WWOX: variants seen among roughly 807,000 people sequenced by gnomAD.
WWOX encodes the protein WW domain-containing oxidoreductase.
A neutral mutation model predicts 46.2 loss-of-function variants in WWOX; 69 were observed. The observed-to-expected ratio is 1.49, with a 90% CI of 1.23 to 1.82. WWOX has a LOEUF of 1.82. WWOX is among the 40% of genes most tolerant of loss of function. WWOX has a pLI of 0.00. For synonymous variants in WWOX, 359 were observed against 202.6 expected, an observed-to-expected ratio of 1.77 and a Z score of -6.56; for missense variants, 919 against 542.6, an observed-to-expected ratio of 1.69 and a Z score of -6.89.
chr16:78,980,012 C>T (rs1246874129), intron 8 of WWOX, among the ~76,000 whole-genome samples: 3 of 152,058 alleles, frequency 2.0e-5, no homozygotes, highest in African/African-American at 4.8e-5. Context: ...CCTGTACTTC[C>T]AGCTGCTTGG....
chr16:78,955,600 AT>A (rs934375334), intron 8 of WWOX, among the ~76,000 whole-genome samples: 46 of 151,606 alleles, frequency 3.0e-4, no homozygotes, highest in African/African-American at 1.1e-3. Flanking sequence ...TTTTAACTTT[AT>A]TTTTTATATT....
intron 4 of WWOX, among the ~76,000 whole-genome samples, chr16:78,118,734 G>C (rs10492874): frequency 0.47 from 71,893 of 151,986 alleles, 17,530 homozygotes; most frequent in Non-Finnish European, 0.55. Flanking sequence ...CCAGTTCATT[G>C]AAAGTGATAT....
At position 78,754,658 on chromosome 16, in the gene WWOX, G is replaced by C. The variant is rs183340417; in HGVS notation, c.1056+321906G>C. 1.9e-3 allele frequency among the ~76,000 whole-genome samples: 293 copies of C among 152,290 alleles called. 1 individual carries two copies. The highest frequency in any genetic ancestry group is 6.4e-3 in the African/African-American group (266 of 41,578). ...GGAAACTGGGCATTTTAATTAGCAA[G>C]TACAGCCTTGACACAAATAAAGGCA... is the stretch of plus-strand genomic sequence containing the variant. On this transcript the variant is annotated intron_variant, in intron 8 of 8. Coordinates refer to ENST00000566780, the MANE Select transcript of WWOX (RefSeq NM_016373.4).
At chr16:78,890,333 GACCTCCATCATT>G (rs2044562150) in intron 8 of WWOX, 1 of 151,632 alleles carries the variant, frequency 6.6e-6, no homozygotes, top group Non-Finnish European at 1.5e-5. Context: ...TCTTAAATTT[GACCTCCATCATT>G]CTTAAATTTG....
chr16:78,547,592 C>G (rs554758741), intron 8 of WWOX, among the ~76,000 whole-genome samples: 1 of 152,144 alleles, frequency 6.6e-6, no homozygotes, highest in African/African-American at 2.4e-5. Context: ...AACTAGGTGG[C>G]TTATAAACAC....
rs552341711 is a variant in WWOX at position 78,767,400 on chromosome 16, G to A, written c.1056+334648G>A. 1.8e-3 allele frequency among the ~76,000 whole-genome samples: 274 copies of A among 152,068 alleles called. 1 individual carries two copies. Among genetic ancestry groups the A allele is most frequent in the African/African-American group, 6.2e-3 (256 of 41,466 alleles). ...TCCACCCGCCTGGGCTTCCCAAAGC[G>A]CTGAGATGACTGCGCCACCACACCT... On this transcript the variant is annotated intron_variant, in intron 8 of 8. Coordinates refer to ENST00000566780, the MANE Select transcript of WWOX (RefSeq NM_016373.4).
intron 8 of WWOX, among the ~76,000 whole-genome samples, chr16:78,984,254 A>C (rs1319890935): frequency 6.6e-6 from 1 of 152,152 alleles, no homozygotes; most frequent in East Asian, 1.9e-4. Flanking sequence ...CATGTTTGCC[A>C]AGACTGCTAT....
intron 5 of WWOX, among the ~76,000 whole-genome samples, chr16:78,336,864 C>G (rs1345428135): frequency 1.3e-5 from 2 of 152,110 alleles, no homozygotes; most frequent in Non-Finnish European, 2.9e-5. Flanking sequence ...GCAATCTCCT[C>G]CGCCTCCCAG....
chr16:78,920,486 A>G (rs1423405292), intron 8 of WWOX, among the ~76,000 whole-genome samples: 1 of 152,120 alleles, frequency 6.6e-6, no homozygotes, highest in South Asian at 2.1e-4. Context: ...TGACTGGAGG[A>G]ACTGCTGCCT....
intron 5 of WWOX, among the ~76,000 whole-genome samples, chr16:78,351,788 C>T (rs1597079860): frequency 1.3e-5 from 2 of 152,166 alleles, no homozygotes; most frequent in Admixed American, 6.5e-5. Context: ...TCCCGAGTCT[C>T]TGGGATTACA....
chr16:78,587,882 A>G lies in WWOX; in HGVS notation c.1056+155130A>G, dbSNP rs931839029. The stretch of plus-strand genomic sequence containing the variant: ...GGAAACATTAAGTTTCCTAAGTGAC[A>G]TCCTTTTTCTGCATGTTTACTTATG... On this transcript the variant is annotated intron_variant, in intron 8 of 8. Transcript: ENST00000566780. 3.3e-5 allele frequency among the ~76,000 whole-genome samples: 5 copies of G among 152,332 alleles called. No individual in the cohort carries two copies. The East Asian group carries it at 9.6e-4, about 29-fold the overall frequency.
intron 8 of WWOX, among the ~76,000 whole-genome samples, chr16:78,964,122 A>G (rs187439485): frequency 6.6e-6 from 1 of 152,344 alleles, no homozygotes; most frequent in Non-Finnish European, 1.5e-5. Flanking sequence ...GGACTAATAC[A>G]GTGAATTGGT....
At chr16:78,594,955 T>A (rs558603590) in intron 8 of WWOX, among the ~76,000 whole-genome samples, 6 of 152,322 alleles carry the variant, frequency 3.9e-5, no homozygotes, top group African/African-American at 1.2e-4. Flanking sequence ...AAGCAGTGAT[T>A]TCCTTTCACA....
chr16:78,542,148 A>G (rs2043913531), intron 8 of WWOX, among the ~76,000 whole-genome samples: 1 of 149,564 alleles, frequency 6.7e-6, no homozygotes, highest in Admixed American at 6.9e-5. Context: ...TCGACACTAG[A>G]CATCTCAGGA....
At chr16:78,669,864 TAA>T (rs1184812519) in intron 8 of WWOX, among the ~76,000 whole-genome samples, 1 of 152,104 alleles carries the variant, frequency 6.6e-6, no homozygotes, top group Non-Finnish European at 1.5e-5. Context: ...GAAGGAAAAA[TAA>T]AGTTTCTCTC....
At chr16:78,976,053 G>C (rs2046566570) in intron 8 of WWOX, among the ~76,000 whole-genome samples, 1 of 152,090 alleles carries the variant, frequency 6.6e-6, no homozygotes, top group Non-Finnish European at 1.5e-5. Flanking sequence ...GCCCCGCTCT[G>C]GGCTCCAGCA....
Position 78,164,304 on chromosome 16 carries a change from G to T in WWOX, c.516+15G>T. The T allele has an allele frequency of 6.2e-7, 1 of 1,610,744 alleles. No individual in the cohort carries two copies. The highest frequency in any genetic ancestry group is 1.3e-5 in the African/African-American group (1 of 74,976). ...TAGAAGAATGGGTAAGTGCTTGACTGTTGTTGTTTTTTTTAATTGTCAAAT... is the reference window on the plus strand; with the variant it reads ...TAGAAGAATGGGTAAGTGCTTGACTTTTGTTGTTTTTTTTAATTGTCAAAT... On this transcript the variant is annotated intron_variant, in intron 5 of 8. Coordinates refer to ENST00000566780, the MANE Select transcript of WWOX (RefSeq NM_016373.4).
Position 78,115,721 on chromosome 16 carries a change from A to T in WWOX, c.409+567A>T, listed in dbSNP as rs148498899. Among the ~76,000 whole-genome samples, 20 of 152,304 alleles carry T rather than the reference A, an allele frequency of 1.3e-4. No individual in the cohort carries two copies. The East Asian group carries it at 3.7e-3, about 28-fold the overall frequency. ...GGCTCAAGAGGGTATCCTTGCTTCA[A>T]TATGATGGGCCATTAAGGAGACAGG... On this transcript the variant is annotated intron_variant, in intron 4 of 8. Transcript: ENST00000566780.
At chr16:78,699,183 C>T (rs543219626) in intron 8 of WWOX, among the ~76,000 whole-genome samples, 2 of 152,248 alleles carry the variant, frequency 1.3e-5, no homozygotes, top group African/African-American at 4.8e-5. Flanking sequence ...CCACATTTGG[C>T]CCATCAGCCA....
Sources: allele counts gnomAD v4.1 joint callset (sites outside exome capture counted in the v4.1 genomes callset), GRCh38; gene constraint gnomAD v4.1.1; transcripts MANE v1.5; gene names NCBI Gene and HGNC (gene_info 2026-07-23, HGNC 2026-07-21).